CRACR2A: variants seen among roughly 807,000 people sequenced by gnomAD.
CRACR2A encodes the protein EF-hand calcium-binding domain-containing protein 4B.
A neutral mutation model predicts 90.5 loss-of-function variants in CRACR2A; 79 were observed. The ratio of observed to expected loss-of-function variants is 0.87; its 90% CI spans 0.73 to 1.05. The LOEUF (loss-of-function observed/expected upper bound fraction) is 1.05, where lower values mean the gene tolerates loss of function less well. CRACR2A is among the 50% of genes least tolerant of loss of function. The pLI is 0.00. For synonymous variants in CRACR2A, 338 were observed against 356.7 expected, an observed-to-expected ratio of 0.95 and a Z score of 0.59; for missense variants, 823 against 897.2, an observed-to-expected ratio of 0.92 and a Z score of 1.06.
intron 6 of CRACR2A, among the ~76,000 whole-genome samples, chr12:3,678,024 G>GGAAA (rs1342956816): frequency 1.3e-5 from 2 of 152,032 alleles, no homozygotes; most frequent in Non-Finnish European, 2.9e-5. Context: ...CCCAAGCTCA[G>GGAAA]GAAATGTCAG....
chr12:3,659,561 T>TAC lies in CRACR2A; in HGVS notation c.762+1_762+2dup. Reference sequence around the variant, plus strand: ...GAGCCAAGCCTGGGGAGCGTACACTTACCTTCAGGAGAAACTGCTCCTTCT... The same window carrying TAC: ...GAGCCAAGCCTGGGGAGCGTACACTTACACCTTCAGGAGAAACTGCTCCTTCT... On this transcript the variant is annotated splice_region_variant and intron_variant, in intron 8 of 19. Transcript: ENST00000440314. 6.2e-7 allele frequency: 1 copy of TAC among 1,613,940 alleles called. No individual in the cohort carries two copies. Among genetic ancestry groups the TAC allele is most frequent in the Non-Finnish European group, 8.5e-7 (1 of 1,179,808 alleles).
At chr12:3,752,647 TTC>T (rs1444086304) in intron 1 of CRACR2A, 2 of 152,620 alleles carry the variant, frequency 1.3e-5, no homozygotes, top group Middle Eastern at 3.4e-3. Flanking sequence ...GGAGTTTTGG[TTC>T]TTAGACTTGA....
chr12:3,744,910 A>G (rs1946586731), intron 1 of CRACR2A, among the ~76,000 whole-genome samples: 1 of 152,238 alleles, frequency 6.6e-6, no homozygotes, highest in Non-Finnish European at 1.5e-5. Flanking sequence ...ACTGCGCAGT[A>G]TACTTAAAAT....
At chr12:3,635,330 C>T (rs1023869572) in intron 14 of CRACR2A, among the ~76,000 whole-genome samples, 3 of 152,108 alleles carry the variant, frequency 2.0e-5, no homozygotes, top group Non-Finnish European at 4.4e-5. Context: ...ACCTGGCTGG[C>T]AAATCAGAAG....
At chr12:3,643,723 A>G (rs2137392794) in intron 12 of CRACR2A, among the ~76,000 whole-genome samples, 2 of 138,258 alleles carry the variant, frequency 1.4e-5, no homozygotes, top group South Asian at 4.4e-4. Context: ...ACATACATAT[A>G]CACACACATA....
In CRACR2A at chr12:3,633,125, A is replaced by G. The variant is rs1944403204; in HGVS notation, c.1735+479T>C. On this transcript the variant is annotated intron_variant, in intron 15 of 19. Transcript: ENST00000440314. The surrounding 1 kb of genome is among the most constrained non-coding windows in gnomAD (Gnocchi z 4.5). The stretch of plus-strand genomic sequence containing the variant: ...TTAGGACAGATACAATGCGATGGGT[A>G]AAAGAAGCCATCCAGGAGCAAGGCC... Among the ~76,000 whole-genome samples the G allele has an allele frequency of 6.6e-6, 1 of 152,138 alleles. No individual in the cohort carries two copies. The highest frequency in any genetic ancestry group is 1.5e-5 in the Non-Finnish European group (1 of 68,018).
At chr12:3,709,864 G>A (rs1213305964) in intron 3 of CRACR2A, among the ~76,000 whole-genome samples, 1 of 152,184 alleles carries the variant, frequency 6.6e-6, no homozygotes, top group Non-Finnish European at 1.5e-5. Flanking sequence ...ATTGTTGTAA[G>A]GATTAAACAA....
intron 15 of CRACR2A, among the ~76,000 whole-genome samples, chr12:3,631,495 C>A (rs916501401): frequency 6.6e-6 from 1 of 152,148 alleles, no homozygotes; most frequent in African/African-American, 2.4e-5. Context: ...GAATGCCCTC[C>A]GGGAGGGCAA....
chr12:3,646,503 TG>T (rs1271395179), intron 11 of CRACR2A, among the ~76,000 whole-genome samples: 4 of 152,212 alleles, frequency 2.6e-5, no homozygotes, highest in Non-Finnish European at 5.9e-5. Flanking sequence ...CCTGGGCAAC[TG>T]ACTTCCAATT....
chr12:3,666,790 T>A (rs573940497), intron 7 of CRACR2A, among the ~76,000 whole-genome samples: 140 of 152,354 alleles, frequency 9.2e-4, no homozygotes, highest in Non-Finnish European at 1.3e-3. Flanking sequence ...TCCTCCCTTT[T>A]AAATAAAATC....
At chr12:3,619,250 A>G in intron 18 of CRACR2A, 21 bp downstream of exon 18, 1 of 1,544,150 alleles carries the variant, frequency 6.5e-7, no homozygotes, top group Non-Finnish European at 8.8e-7. Context: ...GTCCAGAGAG[A>G]TGGAAATGCT....
In CRACR2A at chr12:3,633,480, T is replaced by A; in HGVS notation, c.1735+124A>T. On this transcript the variant is annotated intron_variant, in intron 15 of 19. Transcript: ENST00000440314. This position sits in a 1 kb window ranked among gnomAD's most constrained non-coding sequence, Gnocchi z 4.5. ...CTGTTGAACAGAGCAGACACCAGTATCCCTACTGGCCAATCCCCATGGCCC... is the reference window on the plus strand; with the variant it reads ...CTGTTGAACAGAGCAGACACCAGTAACCCTACTGGCCAATCCCCATGGCCC... The A allele has an allele frequency of 7.7e-7, 1 of 1,290,918 alleles. No individual in the cohort carries two copies. The highest frequency in any genetic ancestry group is 1.1e-6 in the Non-Finnish European group (1 of 939,382). The allele number at this position is 1,290,918 out of a possible 1,614,324, so 80.0% of individuals were successfully genotyped here.
At chr12:3,642,288 C>T (rs374317587) in intron 12 of CRACR2A, among the ~76,000 whole-genome samples, 66 of 152,262 alleles carry the variant, frequency 4.3e-4, no homozygotes, top group East Asian at 4.3e-3. Flanking sequence ...ATGATCACAG[C>T]GCACTGCAGC....
rs150985998 is a variant in CRACR2A at position 3,617,001 on chromosome 12, G to A, written c.2064C>T (p.Ser688=). The A allele has an allele frequency of 2.2e-5, 34 of 1,551,560 alleles. 1 individual carries two copies. The African/African-American group carries it at 4.1e-4, about 19-fold the overall frequency. ...CTTTGGTGTTGTGACCAGAGTAGGC[G>A]CTGCATTCATAGAAGATCAGATTGT... ...TENNLIFYEC[S]AYSGHNTKES... The change falls in exon 19 of 20, where the codon AGC becomes AGT. Residue 688 remains serine, a synonymous_variant. Coordinates refer to ENST00000440314, the MANE Select transcript of CRACR2A (RefSeq NM_001144958.2).
Position 3,641,759 on chromosome 12 carries a change from T to C in CRACR2A, c.1244A>G (p.Tyr415Cys), listed in dbSNP as rs778375894. The C allele has an allele frequency of 5.8e-6, 9 of 1,551,584 alleles. 1 individual carries two copies. In the South Asian group the frequency reaches 5.9e-5, roughly 10 times the overall value. The change falls in exon 13 of 20, where the codon TAT becomes TGT. Residue 415 changes from tyrosine to cysteine, a missense_variant. By Grantham distance (194) the Tyr-to-Cys change is radical (BLOSUM62 -2). Coordinates refer to ENST00000440314, the MANE Select transcript of CRACR2A (RefSeq NM_001144958.2). Reference protein sequence around the residue: ...KKRSGSVIGKYVDSRGILRSQ... With the variant: ...KKRSGSVIGKCVDSRGILRSQ... ...CCTAAGAATCCCTCTGCTGTCCACA[T>C]ATTTGCCTATCACAGAGCCAGATCT...
chr12:3,720,047 A>G (rs1418163242), intron 2 of CRACR2A, among the ~76,000 whole-genome samples: 2 of 151,710 alleles, frequency 1.3e-5, no homozygotes, highest in Non-Finnish European at 2.9e-5. Flanking sequence ...TGAACCCAGG[A>G]GGCAGAAGTT....
chr12:3,625,386 C>A (rs1944237500), intron 17 of CRACR2A, among the ~76,000 whole-genome samples: 2 of 151,852 alleles, frequency 1.3e-5, no homozygotes, highest in Admixed American at 1.3e-4. Context: ...AGATCCCAGG[C>A]TCTGTGCAAA....
chr12:3,627,924 T>C (rs1944296664), intron 15 of CRACR2A, among the ~76,000 whole-genome samples: 1 of 152,178 alleles, frequency 6.6e-6, no homozygotes, highest in African/African-American at 2.4e-5. Context: ...TTATTAGCTG[T>C]GGAACATTGA....
intron 17 of CRACR2A, among the ~76,000 whole-genome samples, chr12:3,625,244 G>A (rs1467918633): frequency 2.0e-5 from 3 of 151,956 alleles, no homozygotes; most frequent in Non-Finnish European, 4.4e-5. Flanking sequence ...GCAGCCACAC[G>A]CCGCTGATGA....
Sources: allele counts gnomAD v4.1 joint callset (sites outside exome capture counted in the v4.1 genomes callset), GRCh38; gene constraint gnomAD v4.1.1; non-coding constraint Gnocchi (gnomAD v3.1); transcripts MANE v1.5; gene names NCBI Gene and HGNC (gene_info 2026-07-23, HGNC 2026-07-21).